PTPRN2: variants seen among roughly 807,000 people sequenced by gnomAD.
The protein encoded by PTPRN2 is protein tyrosine phosphatase receptor type N2.
In PTPRN2, 74 loss-of-function variants were observed where a neutral mutation model predicts 118.8. That is an observed-to-expected ratio of 0.62 (90% CI 0.52 to 0.76). The LOEUF (loss-of-function observed/expected upper bound fraction) is 0.76, where lower values mean the gene tolerates loss of function less well. PTPRN2 is among the 30% of genes least tolerant of loss of function. The probability of loss-of-function intolerance (pLI) is 0.00; values close to 1 mark genes in which losing one functional copy is unlikely to be tolerated. For missense variants in PTPRN2, 1,481 were observed against 1,394.4 expected, an observed-to-expected ratio of 1.06 and a Z score of -0.99; for synonymous variants, 641 against 608.0, an observed-to-expected ratio of 1.05 and a Z score of -0.80.
intron 2 of PTPRN2, among the ~76,000 whole-genome samples, chr7:158,396,502 G>A (rs1812518087): frequency 6.6e-6 from 1 of 152,022 alleles, no homozygotes; most frequent in Non-Finnish European, 1.5e-5. Flanking sequence ...CACATGTGGA[G>A]GGAGCGAGCT....
chr7:158,200,433 C>T (rs894884994), intron 4 of PTPRN2, among the ~76,000 whole-genome samples: 2 of 152,154 alleles, frequency 1.3e-5, no homozygotes, highest in African/African-American at 2.4e-5. Flanking sequence ...CTAAACACAT[C>T]AACCCCCAAA....
intron 2 of PTPRN2, among the ~76,000 whole-genome samples, chr7:158,337,716 G>A (rs376832517): frequency 7.8e-4 from 103 of 131,306 alleles, no homozygotes; most frequent in African/African-American, 1.8e-3. Context: ...AAGAGCTGAC[G>A]CCCGCAGACG....
At position 157,621,417 on chromosome 7, in the gene PTPRN2, G is replaced by A. The variant is rs867101370; in HGVS notation, c.2289C>T (p.Phe763=). The A allele has an allele frequency of 7.4e-6, 12 of 1,612,664 alleles. No homozygotes were observed. The highest frequency in any genetic ancestry group is 6.7e-5 in the African/African-American group (5 of 74,406). ...CAYQAEPNSS[F]VAQREENVPK... Reference sequence around the variant, plus strand: ...GCACGTTCTCCTCCCTCTGGGCCACGAACGAGCTGTTGGGCTCCGCCTGGT... The same window carrying A: ...GCACGTTCTCCTCCCTCTGGGCCACAAACGAGCTGTTGGGCTCCGCCTGGT... Residue 763 remains phenylalanine, a synonymous_variant, in exon 15 of 23, where the codon TTC becomes TTT. Coordinates refer to ENST00000389418, the MANE Select transcript of PTPRN2 (RefSeq NM_002847.5).
intron 12 of PTPRN2, among the ~76,000 whole-genome samples, chr7:157,726,808 A>G (rs1041514997): frequency 6.6e-6 from 1 of 152,242 alleles, no homozygotes; most frequent in East Asian, 1.9e-4. Context: ...CTCAACTACA[A>G]TAACGATGGA....
intron 18 of PTPRN2, among the ~76,000 whole-genome samples, chr7:157,577,549 C>G (rs1021126878): frequency 6.6e-6 from 1 of 152,108 alleles, no homozygotes; most frequent in Non-Finnish European, 1.5e-5. Flanking sequence ...CCACGAAACT[C>G]CAAGCAGAGC....
intron 12 of PTPRN2, among the ~76,000 whole-genome samples, chr7:157,701,772 C>T (rs13228663): frequency 6.6e-6 from 1 of 150,940 alleles, no homozygotes; most frequent in Non-Finnish European, 1.5e-5. Flanking sequence ...GTAACTGACA[C>T]GGGCTGTGGG....
intron 3 of PTPRN2, among the ~76,000 whole-genome samples, chr7:158,227,392 G>T (rs1287929415): frequency 1.3e-5 from 2 of 152,136 alleles, no homozygotes; most frequent in South Asian, 2.1e-4. Flanking sequence ...AATCAGAAAT[G>T]AAATCTATTA....
intron 2 of PTPRN2, among the ~76,000 whole-genome samples, chr7:158,442,114 GGTGGTGGTGATAGTGATGGTGGTGGCA>G (rs1353835972): frequency 1.4e-5 from 2 of 139,566 alleles, no homozygotes; most frequent in Admixed American, 7.0e-5. Flanking sequence ...CGGCAGTGGT[GGTGGTGGTGATAGTGATGGTGGTGGCA>G]GTGGTGGTGA....
At chr7:158,229,889 A>T (rs1384001811) in intron 3 of PTPRN2, among the ~76,000 whole-genome samples, 1 of 152,046 alleles carries the variant, frequency 6.6e-6, no homozygotes, top group Non-Finnish European at 1.5e-5. Flanking sequence ...AGGTACAGGA[A>T]GGTCAGAGAA....
chr7:158,115,058 T>A (rs1262644287), intron 9 of PTPRN2, among the ~76,000 whole-genome samples: 1 of 152,050 alleles, frequency 6.6e-6, no homozygotes, highest in Non-Finnish European at 1.5e-5. Flanking sequence ...TCCCAGCTTC[T>A]CAGAAGGCTG....
At chr7:158,528,806 G>GAA (rs59416367) in intron 1 of PTPRN2, among the ~76,000 whole-genome samples, 27 of 117,374 alleles carry the variant, frequency 2.3e-4, no homozygotes, top group Middle Eastern at 4.3e-3. Context: ...CTCAAAAACG[G>GAA]AAAAAAAAAA....
chr7:157,899,879 G>A (rs1167156001), intron 11 of PTPRN2, among the ~76,000 whole-genome samples: 1 of 152,208 alleles, frequency 6.6e-6, no homozygotes, highest in Non-Finnish European at 1.5e-5. Flanking sequence ...TGATGGGGTA[G>A]AGCCCCAGGG....
At chr7:158,169,771 A>C (rs1823375875) in intron 5 of PTPRN2, among the ~76,000 whole-genome samples, 1 of 151,848 alleles carries the variant, frequency 6.6e-6, no homozygotes. Context: ...GGCTCACTGC[A>C]ACCTCCACCT....
chr7:158,384,271 G>A (rs1811168862), intron 2 of PTPRN2, among the ~76,000 whole-genome samples: 1 of 152,210 alleles, frequency 6.6e-6, no homozygotes, highest in South Asian at 2.1e-4. Context: ...AGGATTTATG[G>A]TACCCTGGAA....
intron 11 of PTPRN2, among the ~76,000 whole-genome samples, chr7:157,968,428 C>A (rs111300063): frequency 6.6e-6 from 1 of 152,132 alleles, no homozygotes; most frequent in Non-Finnish European, 1.5e-5. Context: ...TCAATCTGTT[C>A]AGGGCATGAT....
At position 157,833,577 on chromosome 7, in the gene PTPRN2, CAT is replaced by C. The variant is rs531232569; in HGVS notation, c.1788+65094_1788+65095del. Among the ~76,000 whole-genome samples the C allele has an allele frequency of 4.1e-3, 615 of 151,818 alleles. 5 individuals carry two copies. Among genetic ancestry groups the C allele is most frequent in the African/African-American group, 0.014 (589 of 41,376 alleles). ...AGATGTGGCCGGTGCCCATCTATCC[CAT>C]ATGATTGTAAACTCGTTCAGGAAGT... On this transcript the variant is annotated intron_variant, in intron 12 of 22. Transcript: ENST00000389418.
At chr7:158,311,935 G>A (rs986777313) in intron 3 of PTPRN2, among the ~76,000 whole-genome samples, 5 of 143,732 alleles carry the variant, frequency 3.5e-5, no homozygotes, top group Admixed American at 7.0e-5. Context: ...ATGTGCTCAC[G>A]TGTAGACACC....
At position 157,544,021 on chromosome 7, in the gene PTPRN2, A is replaced by AGAGAGAGGTGGAGAGAGACG. The variant is rs1358955099; in HGVS notation, c.2977-3256_2977-3237dup. On this transcript the variant is annotated intron_variant, in intron 22 of 22. Coordinates refer to ENST00000389418, the MANE Select transcript of PTPRN2 (RefSeq NM_002847.5). ...GAGATGGAGAGCGGTGGAGAGAGAC[A>AGAGAGAGGTGGAGAGAGACG]GAGAGAGGTGGAGAGAGACGGAGAG... is the stretch of plus-strand genomic sequence containing the variant. 2.5e-3 allele frequency among the ~76,000 whole-genome samples: 356 copies of AGAGAGAGGTGGAGAGAGACG among 143,956 alleles called. 2 individuals are homozygous for AGAGAGAGGTGGAGAGAGACG. The highest frequency in any genetic ancestry group is 6.3e-3 in the East Asian group (27 of 4,302). The allele number at this position is 143,956 out of a possible 152,430, so 94.4% of individuals were successfully genotyped here.
intron 12 of PTPRN2, among the ~76,000 whole-genome samples, chr7:157,747,785 C>T (rs540739350): frequency 9.5e-3 from 921 of 97,456 alleles, no homozygotes; most frequent in African/African-American, 0.033. Flanking sequence ...GGCCTGCGTC[C>T]CTGAGCTGTG....
Sources: allele counts gnomAD v4.1 joint callset (sites outside exome capture counted in the v4.1 genomes callset), GRCh38; gene constraint gnomAD v4.1.1; transcripts MANE v1.5; gene names NCBI Gene and HGNC (gene_info 2026-07-23, HGNC 2026-07-21).